Variants in DEGS2 observed in about 807,000 individuals in gnomAD.
The protein encoded by DEGS2 is delta 4-desaturase, sphingolipid 2, also known as sphingolipid delta(4)-desaturase/C4-monooxygenase DES2.
In DEGS2, 19 loss-of-function variants were observed where a neutral mutation model predicts 23.8. The ratio of observed to expected loss-of-function variants is 0.80; its 90% CI spans 0.56 to 1.17. The LOEUF (loss-of-function observed/expected upper bound fraction) is 1.17, where lower values mean the gene tolerates loss of function less well. DEGS2 is among the 50% of genes most tolerant of loss of function. The pLI, the probability that DEGS2 is intolerant of heterozygous loss-of-function variation, is 0.00. For missense variants in DEGS2, 390 were observed against 459.5 expected, an observed-to-expected ratio of 0.85 and a Z score of 1.38; for synonymous variants, 218 against 213.7, an observed-to-expected ratio of 1.02 and a Z score of -0.18.
chr14:100,151,066 G>A (rs1433226916), intron 1 of DEGS2, among the ~76,000 whole-genome samples: 3 of 151,760 alleles, frequency 2.0e-5, no homozygotes, highest in African/African-American at 7.3e-5. Context: ...GTGCAGGCGG[G>A]TCCCAACAAG....
Position 100,148,902 on chromosome 14 carries a change from G to T in DEGS2, c.825+66C>A, listed in dbSNP as rs1456096980. ...GGGCATGGCCCAAGGCCCTTCCAGG[G>T]CCCCCACCTCCTCCGATGGCTGTGC... On this transcript the variant is annotated intron_variant, in intron 2 of 2. Coordinates refer to ENST00000305631, the MANE Select transcript of DEGS2 (RefSeq NM_206918.3). 15 of 1,535,462 alleles carry T rather than the reference G, an allele frequency of 9.8e-6. No individual in the cohort carries two copies. In the East Asian group the frequency reaches 3.2e-4, roughly 32 times the overall value.
Position 100,146,886 on chromosome 14 carries a change from A to G in DEGS2, c.847T>C (p.Tyr283His), listed in dbSNP as rs747305248. The G allele has an allele frequency of 1.9e-6, 3 of 1,612,898 alleles. No homozygotes were observed. The highest frequency in any genetic ancestry group is 2.5e-6 in the Non-Finnish European group (3 of 1,179,730). ...TGGTGCTGCGGCAGGTGGTCGTAGT[A>G]CTCGGGCGCGATCTTCCGCACCTGT... ...LPLVRKIAPE[Y>H]YDHLPQHHSW... The change falls in exon 3 of 3, where the codon TAC becomes CAC. Residue 283 changes from tyrosine to histidine, a missense_variant. Transcript: ENST00000305631.
chr14:100,151,343 A>C (rs1257013431), intron 1 of DEGS2, among the ~76,000 whole-genome samples: 1 of 152,246 alleles, frequency 6.6e-6, no homozygotes, highest in Non-Finnish European at 1.5e-5. Flanking sequence ...AGCAGGCCCA[A>C]AGCTTGCAGG....
In DEGS2 at chr14:100,148,163, CCA is replaced by C. The variant is rs987287752; in HGVS notation, c.825+803_825+804del. ...CCTGCACAACCAGGTAAATACATAA[CCA>C]CACACAGATGCGTGTGCGCACGCCC... On this transcript the variant is annotated intron_variant, in intron 2 of 2. Transcript: ENST00000305631. Among the ~76,000 whole-genome samples the C allele has an allele frequency of 1.2e-4, 18 of 152,340 alleles. No homozygotes were observed. In the South Asian group the frequency reaches 1.2e-3, roughly 11 times the overall value.
the DEGS2 span, among the ~76,000 whole-genome samples, chr14:100,166,550 G>C: frequency 1.3e-5 from 2 of 152,058 alleles, no homozygotes; most frequent in Non-Finnish European, 2.9e-5. Context: ...CAGTGGATTC[G>C]GGAGCATGAA....
At chr14:100,159,734 A>G (rs1246543190), upstream of DEGS2, 2 of 225,142 alleles carry the variant, frequency 8.9e-6, no homozygotes, top group Non-Finnish European at 1.6e-5. Context: ...GGGGCGGGGC[A>G]CCTCTGGCTG....
Position 100,145,918 on chromosome 14 carries a change from G to C in DEGS2, c.*843C>G, listed in dbSNP as rs1164775373. 6.6e-6 allele frequency: 1 copy of C among 152,496 alleles called. No homozygotes were observed. Among genetic ancestry groups the C allele is most frequent in the East Asian group, 1.9e-4 (1 of 5,194 alleles). The allele number at this position is 152,496 out of a possible 1,614,324, so 9.4% of individuals were successfully genotyped here. A position where few individuals can be genotyped will look rare whatever the true frequency, so the allele number is the denominator to read the frequency against. Reference sequence around the variant, plus strand: ...CTGCCCGGCCAGCCCCCGGGCTTGGGTGCCAGATCTGGGCAGAGCTCCTCC... The same window carrying C: ...CTGCCCGGCCAGCCCCCGGGCTTGGCTGCCAGATCTGGGCAGAGCTCCTCC... On this transcript the variant is annotated 3_prime_UTR_variant, in exon 3 of 3. Transcript: ENST00000305631.
At chr14:100,165,387 C>T in the DEGS2 span, among the ~76,000 whole-genome samples, 17 of 152,384 alleles carry the variant, frequency 1.1e-4, no homozygotes, top group Middle Eastern at 3.4e-3. Context: ...AGCGTTCGCC[C>T]GTGTGTCCCC....
chr14:100,158,002 G>T (rs904375569), intron 1 of DEGS2, among the ~76,000 whole-genome samples: 1 of 146,846 alleles, frequency 6.8e-6, no homozygotes, highest in Non-Finnish European at 1.5e-5. Flanking sequence ...CAGGAGAATC[G>T]CTTGAACCTG....
chr14:100,166,251 G>A, the DEGS2 span, among the ~76,000 whole-genome samples: 11 of 115,376 alleles, frequency 9.5e-5, no homozygotes, highest in East Asian at 3.0e-4. Flanking sequence ...GGGGGAGCCT[G>A]TCCGGGGGAG....
chr14:100,159,448 G>C (rs1357479611), intron 1 of DEGS2, 58 bp downstream of exon 1: 2 of 1,347,908 alleles, frequency 1.5e-6, no homozygotes, highest in Non-Finnish European at 1.9e-6. Context: ...CCCACGACGC[G>C]ACTCCAGACG....
At chr14:100,162,968 G>A (rs1308907525), upstream of DEGS2, among the ~76,000 whole-genome samples, 1 of 152,232 alleles carries the variant, frequency 6.6e-6, no homozygotes, top group African/African-American at 2.4e-5. Context: ...CAAGGAGTCA[G>A]ACAGCCCATG....
rs186490044 is a variant in DEGS2 at position 100,145,811 on chromosome 14, C to G, written c.*950G>C. The stretch of plus-strand genomic sequence containing the variant: ...CCCTCAGCCCTTCTGTAGAAAGGAC[C>G]GACACGTCTCACGTCACGCACACTC... On this transcript the variant is annotated 3_prime_UTR_variant, in exon 3 of 3. Coordinates refer to ENST00000305631, the MANE Select transcript of DEGS2 (RefSeq NM_206918.3). The G allele has an allele frequency of 1.3e-5, 2 of 152,612 alleles. No individual in the cohort carries two copies. Among genetic ancestry groups the G allele is most frequent in the African/African-American group, 2.4e-5 (1 of 41,594 alleles). The allele number at this position is 152,612 out of a possible 1,614,324, so 9.5% of individuals were successfully genotyped here.
At chr14:100,155,251 C>T (rs1031366153) in intron 1 of DEGS2, among the ~76,000 whole-genome samples, 2 of 152,218 alleles carry the variant, frequency 1.3e-5, no homozygotes, top group Non-Finnish European at 2.9e-5. Context: ...GGCCTCTTCC[C>T]CACCCATCCA....
At chr14:100,161,458 C>T (rs1045037228), upstream of DEGS2, among the ~76,000 whole-genome samples, 6 of 152,198 alleles carry the variant, frequency 3.9e-5, no homozygotes, top group South Asian at 2.1e-4. Flanking sequence ...CCCAGCTTCA[C>T]GGTGTTGACG....
chr14:100,166,383 G>C, the DEGS2 span, among the ~76,000 whole-genome samples: 784 of 142,824 alleles, frequency 5.5e-3, 5 homozygotes, highest in Non-Finnish European at 8.9e-3. Context: ...TGTGGGGGAG[G>C]CTGCTCTTCA....
In DEGS2 at chr14:100,149,430, G is replaced by A. The variant is rs146799312; in HGVS notation, c.363C>T (p.Ala121=). ...FANLPVGVPY[A]ASFKKYHVDH... is the part of the protein sequence containing the mutation. ...CCACGTGGTACTTCTTGAAGGAGGC[G>A]GCGTAGGGCACACCCACGGGCAGGT... Residue 121 remains alanine (A), a synonymous_variant, in exon 2 of 3, where the codon GCC becomes GCT. Transcript: ENST00000305631. 123 of 1,598,026 alleles carry A rather than the reference G, an allele frequency of 7.7e-5. No homozygotes were observed. The highest frequency in any genetic ancestry group is 9.6e-5 in the Non-Finnish European group (113 of 1,171,292).
At chr14:100,151,933 G>A (rs1228969847) in intron 1 of DEGS2, among the ~76,000 whole-genome samples, 6 of 152,182 alleles carry the variant, frequency 3.9e-5, no homozygotes, top group African/African-American at 1.4e-4. Context: ...GTGGGGACGT[G>A]CCAGGAACAC....
In DEGS2 at chr14:100,149,680, C is replaced by T. The variant is rs148474864; in HGVS notation, c.113G>A (p.Arg38Gln). The change falls in exon 2 of 3, where the codon CGG becomes CAG. Residue 38 changes from arginine (R) to glutamine (Q), a missense_variant. Physicochemically the swap from Arg to Gln is conservative, Grantham distance 43. Coordinates refer to ENST00000305631, the MANE Select transcript of DEGS2 (RefSeq NM_206918.3). ...CGCCCACTTGAGGCGCGGGTCTGGC[C>T]GCATCAGGGCCTTGATGGCCGGGTA... is the stretch of plus-strand genomic sequence containing the variant. ...AKYPAIKALM[R>Q]PDPRLKWAVL... 9.3e-6 allele frequency: 15 copies of T among 1,607,794 alleles called. No individual in the cohort carries two copies. Among genetic ancestry groups the T allele is most frequent in the South Asian group, 3.3e-5 (3 of 90,576 alleles).
Sources: allele counts gnomAD v4.1 joint callset (sites outside exome capture counted in the v4.1 genomes callset), GRCh38; gene constraint gnomAD v4.1.1; transcripts MANE v1.5; gene names NCBI Gene and HGNC (gene_info 2026-07-23, HGNC 2026-07-21).